Variants in ARHGAP39 observed in about 807,000 individuals in gnomAD.
ARHGAP39 encodes the protein rho GTPase-activating protein 39.
ARHGAP39 carries 44 observed loss-of-function variants against 106.9 expected under a neutral mutation model. The observed-to-expected ratio is 0.41, with a 90% confidence interval of 0.32 to 0.53. The LOEUF (loss-of-function observed/expected upper bound fraction) is 0.53. Among genes scored for constraint, ARHGAP39 ranks in the 20% least tolerant of loss-of-function variants. The pLI, the probability that ARHGAP39 is intolerant of heterozygous loss-of-function variation, is 0.21. For missense variants in ARHGAP39, 1,496 were observed against 1,577.3 expected (o/e 0.95, Z 0.87); for synonymous variants, 768 against 693.2 (o/e 1.11, Z -1.69).
chr8:144,548,083 C>T lies in ARHGAP39; in HGVS notation c.1003G>A (p.Glu335Lys). ...YDEPPMDVQF[E>K]AGGGYQAGSP... ...CCGGCCTGGTAGCCCCCGCCAGCCT[C>T]GAATTGCACGTCCATGGGGGGCTCA... is the stretch of plus-strand genomic sequence containing the variant. Residue 335 changes from glutamate (E) to lysine (K), a missense_variant, in exon 5 of 12, where the codon GAG (glutamate) becomes AAG (lysine). This residue lies in a region of ARHGAP39 where 905 missense variants were observed against 816.4 expected (regional missense o/e 1.11). Transcript: ENST00000377307. This position sits in a 1 kb window ranked among gnomAD's most constrained non-coding sequence, Gnocchi z 7.4. The T allele has an allele frequency of 6.3e-7, 1 of 1,594,110 alleles. No individual in the cohort carries two copies. Among genetic ancestry groups the T allele is most frequent in the East Asian group, 2.2e-5 (1 of 44,556 alleles).
intron 3 of ARHGAP39, among the ~76,000 whole-genome samples, chr8:144,579,963 C>T (rs1447067094): frequency 1.3e-5 from 2 of 152,248 alleles, no homozygotes; most frequent in South Asian, 2.1e-4. Context: ...TCTGGGAAGC[C>T]CCAGCCTCCT....
At chr8:144,554,323 T>C (rs1817834438) in intron 4 of ARHGAP39, among the ~76,000 whole-genome samples, 1 of 152,124 alleles carries the variant, frequency 6.6e-6, no homozygotes, top group African/African-American at 2.4e-5. Flanking sequence ...CACCCCCTAC[T>C]CCTGACATCC....
chr8:144,578,918 G>A (rs900380547), intron 3 of ARHGAP39, among the ~76,000 whole-genome samples: 7 of 151,374 alleles, frequency 4.6e-5, no homozygotes, highest in African/African-American at 2.4e-5. Context: ...TCAAGAAAGT[G>A]AAAAAAGGGG....
chr8:144,648,150 C>A (rs1308660616), intron 1 of ARHGAP39, among the ~76,000 whole-genome samples: 2 of 152,144 alleles, frequency 1.3e-5, no homozygotes, highest in East Asian at 3.9e-4. Flanking sequence ...CAAGATGGCA[C>A]CAGCTGCTCC....
intron 6 of ARHGAP39, among the ~76,000 whole-genome samples, chr8:144,541,202 T>C (rs1817177725): frequency 6.6e-6 from 1 of 152,192 alleles, no homozygotes; most frequent in Non-Finnish European, 1.5e-5. Flanking sequence ...AGCTTCAGGG[T>C]CACCCTCTTC....
At chr8:144,600,300 GTGTGCA>G (rs1365271377) in intron 2 of ARHGAP39, among the ~76,000 whole-genome samples, 3 of 151,604 alleles carry the variant, frequency 2.0e-5, no homozygotes, top group African/African-American at 7.3e-5. Flanking sequence ...CTGCGTGTGC[GTGTGCA>G]TGGAGGCGTG....
At position 144,547,526 on chromosome 8, in the gene ARHGAP39, C is replaced by G; in HGVS notation, c.1560G>C (p.Gln520His). 1 of 1,484,090 alleles carries G rather than the reference C, an allele frequency of 6.7e-7. No individual in the cohort carries two copies. Among genetic ancestry groups the G allele is most frequent in the Non-Finnish European group, 8.9e-7 (1 of 1,120,832 alleles). The allele number at this position is 1,484,090 out of a possible 1,614,324, so 91.9% of individuals were successfully genotyped here. A position where few individuals can be genotyped will look rare whatever the true frequency, so the allele number is the denominator to read the frequency against. The change falls in exon 5 of 12, where the codon CAG becomes CAC. Residue 520 changes from glutamine (Q) to histidine (H), a missense_variant. Gln to His is a conservative substitution (Grantham distance 24, BLOSUM62 0). Around this residue, in one of 4 missense-constraint regions of ARHGAP39, gnomAD observed 905 missense variants for 816.4 expected, o/e 1.11. Transcript: ENST00000377307. The surrounding 1 kb of genome is among the most constrained non-coding windows in gnomAD (Gnocchi z 5.2). ...ACGGGGGCTGTTCCTCGGCCAGGGGCTGCTCCACAAGCAGGTCCCCGGGGC... is the reference window on the plus strand; with the variant it reads ...ACGGGGGCTGTTCCTCGGCCAGGGGGTGCTCCACAAGCAGGTCCCCGGGGC... ...TEGPGDLLVE[Q>H]PLAEEQPPCG...
At chr8:144,700,332 C>G in the ARHGAP39 span, 1 of 152,268 alleles carries the variant, frequency 6.6e-6, no homozygotes, top group Admixed American at 6.5e-5. The surrounding 1 kb of genome is among the most constrained non-coding windows in gnomAD (Gnocchi z 5.6). Flanking sequence ...CCGGGCGAGT[C>G]TCACTTCCGG....
intron 1 of ARHGAP39, among the ~76,000 whole-genome samples, chr8:144,672,493 T>G (rs1822124512): frequency 6.6e-6 from 1 of 151,954 alleles, no homozygotes; most frequent in Non-Finnish European, 1.5e-5. Context: ...GAAAGGAAAA[T>G]AGACTCAAAC....
intron 1 of ARHGAP39, among the ~76,000 whole-genome samples, chr8:144,642,765 C>T (rs899445961): frequency 1.3e-5 from 2 of 152,146 alleles, no homozygotes; most frequent in Non-Finnish European, 2.9e-5. Flanking sequence ...ATGGTGAGGC[C>T]TCCCCAACTG....
At position 144,548,070 on chromosome 8, in the gene ARHGAP39, C is replaced by T; in HGVS notation, c.1016G>A (p.Gly339Asp). ...PMDVQFEAGG[G>D]YQAGSPQRSP... ...CCGCTGGGGAGAGCCGGCCTGGTAGCCCCCGCCAGCCTCGAATTGCACGTC... is the reference window on the plus strand; with the variant it reads ...CCGCTGGGGAGAGCCGGCCTGGTAGTCCCCGCCAGCCTCGAATTGCACGTC... The change falls in exon 5 of 12, where the codon GGC becomes GAC. Residue 339 changes from glycine (G) to aspartate (D), a missense_variant. Gly to Asp is a moderately conservative substitution (Grantham distance 94). Transcript: ENST00000377307. The surrounding 1 kb of genome is among the most constrained non-coding windows in gnomAD (Gnocchi z 7.4). 1 of 1,594,704 alleles carries T rather than the reference C, an allele frequency of 6.3e-7. No homozygotes were observed. The highest frequency in any genetic ancestry group is 1.1e-5 in the South Asian group (1 of 89,088).
intron 1 of ARHGAP39, among the ~76,000 whole-genome samples, chr8:144,668,930 C>T (rs1049003296): frequency 3.3e-5 from 5 of 152,122 alleles, no homozygotes; most frequent in African/African-American, 9.7e-5. Flanking sequence ...CACAAAGCTA[C>T]CATAATTAAG....
intron 1 of ARHGAP39, among the ~76,000 whole-genome samples, chr8:144,619,799 C>T (rs1306133558): frequency 2.4e-5 from 3 of 126,400 alleles, no homozygotes; most frequent in African/African-American, 9.1e-5. Context: ...AGAGCGCGTG[C>T]CCGTGTGTGT....
At chr8:144,653,005 T>C (rs1427756609) in intron 1 of ARHGAP39, among the ~76,000 whole-genome samples, 1 of 152,108 alleles carries the variant, frequency 6.6e-6, no homozygotes, top group Non-Finnish European at 1.5e-5. Flanking sequence ...TTGAAAATTA[T>C]TGAAATATGA....
intron 7 of ARHGAP39, among the ~76,000 whole-genome samples, chr8:144,537,052 G>A (rs1422530765): frequency 6.6e-6 from 1 of 152,220 alleles, no homozygotes; most frequent in Non-Finnish European, 1.5e-5. Flanking sequence ...GTGCATGGGT[G>A]TGAGCGCGGA....
chr8:144,660,640 C>A (rs1003263525), intron 1 of ARHGAP39, among the ~76,000 whole-genome samples: 12 of 152,200 alleles, frequency 7.9e-5, no homozygotes, highest in African/African-American at 2.9e-4. Flanking sequence ...TGACTTCCTA[C>A]TTCTGCTCTG....
chr8:144,600,561 C>T (rs1238417443), intron 2 of ARHGAP39, among the ~76,000 whole-genome samples: 13 of 134,868 alleles, frequency 9.6e-5, no homozygotes, highest in African/African-American at 1.4e-4. Context: ...TGTGCGTGTG[C>T]GTGGAGGCGT....
At chr8:144,602,676 G>A (rs570563741) in intron 2 of ARHGAP39, among the ~76,000 whole-genome samples, 12 of 143,346 alleles carry the variant, frequency 8.4e-5, no homozygotes, top group East Asian at 6.6e-4. Context: ...GCGTGCGTGC[G>A]AGCTCGTGTA....
At position 144,672,023 on chromosome 8, in the gene ARHGAP39, C is replaced by T. The variant is rs375306525; in HGVS notation, c.-82+13663G>A. On this transcript the variant is annotated intron_variant, in intron 1 of 11. Transcript: ENST00000377307. ...CAGAAAGCCCCACACTGTTCCTGGA[C>T]GCCGTCTGTGATTCCGGCACATGCT... 5.5e-4 allele frequency among the ~76,000 whole-genome samples: 84 copies of T among 152,364 alleles called. 2 individuals are homozygous for T. The South Asian group carries it at 0.016, about 29-fold the overall frequency.
Sources: allele counts gnomAD v4.1 joint callset (sites outside exome capture counted in the v4.1 genomes callset), GRCh38; gene constraint gnomAD v4.1.1; regional missense constraint gnomAD v4.1.1; non-coding constraint Gnocchi (gnomAD v3.1); transcripts MANE v1.5; gene names NCBI Gene and HGNC (gene_info 2026-07-23, HGNC 2026-07-21).